CCDC88C: variants seen among roughly 807,000 people sequenced by gnomAD.
CCDC88C encodes coiled-coil and HOOK domain protein 88C.
CCDC88C carries 131 observed loss-of-function variants against 198.8 expected under a neutral mutation model. The ratio of observed to expected loss-of-function variants is 0.66; its 90% confidence interval spans 0.57 to 0.76. CCDC88C has a LOEUF of 0.76. Among genes scored for constraint, CCDC88C ranks in the 30% least tolerant of loss-of-function variants. The pLI, the probability that CCDC88C is intolerant of heterozygous loss-of-function variation, is 0.00. For missense variants in CCDC88C, 2,553 were observed against 2,631.6 expected (o/e 0.97, Z 0.65); for synonymous variants, 1,166 against 1,114.7 (o/e 1.05, Z -0.92).
At chr14:91,320,147 A>G (rs1446405582) in intron 13 of CCDC88C, among the ~76,000 whole-genome samples, 1 of 151,746 alleles carries the variant, frequency 6.6e-6, no homozygotes, top group African/African-American at 2.4e-5. Context: ...GTATGCTAAG[A>G]TGAATGAGGA....
At chr14:91,279,001 G>A (rs185405074) in intron 28 of CCDC88C, among the ~76,000 whole-genome samples, 3 of 140,456 alleles carry the variant, frequency 2.1e-5, no homozygotes, top group East Asian at 4.4e-4. Context: ...TCCCAGGCTT[G>A]AGCGAGCCTC....
intron 18 of CCDC88C, 148 bp from the exon 19 acceptor site, chr14:91,306,074 T>G (rs1219653578): frequency 6.7e-6 from 5 of 742,226 alleles, no homozygotes; most frequent in Non-Finnish European, 1.1e-5. Context: ...ATATTTTCTC[T>G]CTTTGAAAAA....
At chr14:91,383,356 A>T (rs146485803) in intron 3 of CCDC88C, among the ~76,000 whole-genome samples, 1 of 152,328 alleles carries the variant, frequency 6.6e-6, no homozygotes, top group African/African-American at 2.4e-5. Context: ...GGCCATGAAC[A>T]GAACCCCCAA....
At chr14:91,299,499 C>T (rs575790010) in intron 21 of CCDC88C, among the ~76,000 whole-genome samples, 1 of 152,210 alleles carries the variant, frequency 6.6e-6, no homozygotes, top group Non-Finnish European at 1.5e-5. Context: ...CCACTCTGTG[C>T]GTGTCCACGA....
intron 3 of CCDC88C, among the ~76,000 whole-genome samples, chr14:91,389,774 G>A (rs965971027): frequency 1.0e-4 from 15 of 150,126 alleles, no homozygotes; most frequent in African/African-American, 2.9e-4. Flanking sequence ...AAAAAAAGAG[G>A]AGAAAAGCTT....
At chr14:91,396,174 C>G (rs1398347526) in intron 3 of CCDC88C, among the ~76,000 whole-genome samples, 1 of 152,160 alleles carries the variant, frequency 6.6e-6, no homozygotes, top group Non-Finnish European at 1.5e-5. Context: ...CTGTTACGAG[C>G]CCTGGAGGTG....
chr14:91,318,192 G>A (rs773594383), intron 13 of CCDC88C, among the ~76,000 whole-genome samples: 5 of 152,106 alleles, frequency 3.3e-5, no homozygotes, highest in Non-Finnish European at 5.9e-5. Flanking sequence ...GGCTGAGACC[G>A]AAGGACTGCT....
At chr14:91,299,449 T>C (rs1210013487) in intron 21 of CCDC88C, among the ~76,000 whole-genome samples, 1 of 152,216 alleles carries the variant, frequency 6.6e-6, no homozygotes, top group African/African-American at 2.4e-5. Context: ...GTGTGTGCCC[T>C]CAGCTGGGAA....
intron 3 of CCDC88C, among the ~76,000 whole-genome samples, chr14:91,403,937 A>C (rs931006770): frequency 4.6e-5 from 7 of 152,262 alleles, no homozygotes; most frequent in African/African-American, 1.4e-4. Flanking sequence ...ATCTCAAAAA[A>C]TTAAATTAAA....
rs979239156 is a variant in CCDC88C at position 91,325,975 on chromosome 14, C to G, written c.1132G>C (p.Asp378His). Reference protein sequence around the residue: ...EQLTAARARGDKVHELEKENL... With the variant: ...EQLTAARARGHKVHELEKENL... ...TCCTTTTCCAGCTCATGGACTTTAT[C>G]GCCCCGGGCCCGAGCAGCAGTCAGC... The change falls in exon 11 of 30, where the codon GAT (aspartate) becomes CAT (histidine). Residue 378 changes from aspartate to histidine, a missense_variant. Coordinates refer to ENST00000389857, the MANE Select transcript of CCDC88C (RefSeq NM_001080414.4). The surrounding 1 kb of genome is among the most constrained non-coding windows in gnomAD (Gnocchi z 4.1). The G allele has an allele frequency of 6.3e-7, 1 of 1,580,550 alleles. No individual in the cohort carries two copies. The highest frequency in any genetic ancestry group is 8.6e-7 in the Non-Finnish European group (1 of 1,162,224).
intron 25 of CCDC88C, among the ~76,000 whole-genome samples, chr14:91,285,994 C>T (rs1374660544): frequency 2.0e-5 from 3 of 152,150 alleles, no homozygotes; most frequent in Non-Finnish European, 4.4e-5. Flanking sequence ...GTACACAGTA[C>T]TCAAGAACAG....
chr14:91,357,263 A>G (rs1674997939), intron 4 of CCDC88C, among the ~76,000 whole-genome samples: 1 of 152,200 alleles, frequency 6.6e-6, no homozygotes, highest in South Asian at 2.1e-4. Flanking sequence ...ATTTTAATTA[A>G]CTAATTAAAG....
intron 20 of CCDC88C, among the ~76,000 whole-genome samples, chr14:91,300,938 C>T (rs1891250208): frequency 6.6e-6 from 1 of 152,180 alleles, no homozygotes; most frequent in Non-Finnish European, 1.5e-5. Context: ...TCTCTACAGA[C>T]CCCTTCCTGA....
In CCDC88C at chr14:91,283,483, T is replaced by A. The variant is rs1187536014; in HGVS notation, c.4476A>T (p.Pro1492=). The A allele has an allele frequency of 6.2e-7, 1 of 1,612,580 alleles. No individual in the cohort carries two copies. Among genetic ancestry groups the A allele is most frequent in the South Asian group, 1.1e-5 (1 of 90,678 alleles). The part of the protein sequence containing the change: ...PGDLKPKRGS[P]HRGSLDRTDA... ...CTGTGCGGTCAAGGCTGCCTCTGTG[T>A]GGGGAGCCTCGCTTTGGTTTTAGAT... The change falls in exon 26 of 30, where the codon CCA becomes CCT. Residue 1492 remains proline (P), a synonymous_variant. Transcript: ENST00000389857.
At chr14:91,396,492 C>T (rs1037315604) in intron 3 of CCDC88C, among the ~76,000 whole-genome samples, 1 of 152,190 alleles carries the variant, frequency 6.6e-6, no homozygotes, top group African/African-American at 2.4e-5. Flanking sequence ...TCCCACAACA[C>T]TCATCACCCA....
chr14:91,371,381 C>G lies in CCDC88C; in HGVS notation c.271-11670G>C, dbSNP rs1894791587. On this transcript the variant is annotated intron_variant, in intron 3 of 29. Coordinates refer to ENST00000389857, the MANE Select transcript of CCDC88C (RefSeq NM_001080414.4). The surrounding 1 kb of genome is among the most constrained non-coding windows in gnomAD (Gnocchi z 4.2). ...AACTACGGTATGCATGCAGGGTGGG[C>G]TGGGACAGGCATGACCCCCCCAGCC... Among the ~76,000 whole-genome samples, 1 of 151,236 alleles carries G rather than the reference C, an allele frequency of 6.6e-6. No individual in the cohort carries two copies. Among genetic ancestry groups the G allele is most frequent in the Non-Finnish European group, 1.5e-5 (1 of 67,988 alleles).
At chr14:91,361,232 C>G (rs1009525679) in intron 3 of CCDC88C, among the ~76,000 whole-genome samples, 1 of 152,088 alleles carries the variant, frequency 6.6e-6, no homozygotes, top group East Asian at 1.9e-4. Flanking sequence ...ACCAAGAAAG[C>G]TCCTGTTAGG....
rs931629982 is a variant in CCDC88C at position 91,288,083 on chromosome 14, G to A, written c.4441+1022C>T. Reference sequence around the variant, plus strand: ...CATCTTGGTCCTATTTTCCTTTTACGTGTGTGTACAAAAATCGAATTCTTA... The same window carrying A: ...CATCTTGGTCCTATTTTCCTTTTACATGTGTGTACAAAAATCGAATTCTTA... On this transcript the variant is annotated intron_variant, in intron 25 of 29. Transcript: ENST00000389857. This position sits in a 1 kb window ranked among gnomAD's most constrained non-coding sequence, Gnocchi z 4.2. 2.6e-5 allele frequency among the ~76,000 whole-genome samples: 4 copies of A among 152,114 alleles called. No individual in the cohort carries two copies. Among genetic ancestry groups the A allele is most frequent in the Admixed American group, 6.5e-5 (1 of 15,272 alleles).
chr14:91,363,847 C>T (rs1894415369), intron 3 of CCDC88C, among the ~76,000 whole-genome samples: 2 of 152,242 alleles, frequency 1.3e-5, no homozygotes, highest in Non-Finnish European at 1.5e-5. Context: ...CTGGGCTGGC[C>T]CTCAGTCTGG....
Sources: gnomAD v4.1 joint callset for allele counts (sites outside exome capture counted in the v4.1 genomes callset) on GRCh38, gnomAD v4.1.1 for gene constraint, Gnocchi (gnomAD v3.1) non-coding constraint, MANE v1.5 for transcripts, NCBI Gene and HGNC (gene_info 2026-07-23, HGNC 2026-07-21) for gene names.